The following SMG5 variants were observed in gnomAD, a reference collection of about 807,000 sequenced individuals.
The protein encoded by SMG5 is nonsense-mediated mRNA decay factor SMG5.
Under a neutral mutation model 122.9 loss-of-function variants are expected in SMG5, and 53 were observed. The ratio of observed to expected loss-of-function variants is 0.43; its 90% CI spans 0.35 to 0.54. The LOEUF is 0.54. SMG5 is among the 20% of genes least tolerant of loss of function. The pLI, the probability that SMG5 is intolerant of heterozygous loss-of-function variation, is 0.01. For missense variants in SMG5, 1,153 were observed against 1,285.6 expected (o/e 0.90, Z 1.58); for synonymous variants, 477 against 490.2 (o/e 0.97, Z 0.35).
At chr1:156,274,424 T>C (rs549278459) in intron 5 of SMG5, among the ~76,000 whole-genome samples, 173 bp downstream of exon 5, 3 of 152,278 alleles carry the variant, frequency 2.0e-5, no homozygotes, top group African/African-American at 7.2e-5. Flanking sequence ...CTCTGACTCA[T>C]GGAAGGGCAG....
At chr1:156,284,334 G>A, upstream of SMG5, 1 of 152,506 alleles carries the variant, frequency 6.6e-6, no homozygotes, top group Non-Finnish European at 1.5e-5. Context: ...TGCAGAGCCA[G>A]CAGGTAGCTG....
chr1:156,286,601 G>C (rs1663170800), upstream of SMG5: 1 of 905,998 alleles, frequency 1.1e-6, no homozygotes, highest in African/African-American at 1.7e-5. Context: ...GTGCCCTGGG[G>C]AGATAAGTCC....
chr1:156,282,840 C>T (rs1663032655), upstream of SMG5: 2 of 705,498 alleles, frequency 2.8e-6, no homozygotes, highest in South Asian at 2.0e-5. Flanking sequence ...CCTCCTCCGC[C>T]TGCCAAATCT....
chr1:156,279,144 AAGG>A, intron 1 of SMG5, 110 bp from the exon 2 acceptor site: 1 of 912,274 alleles, frequency 1.1e-6, no homozygotes, highest in Non-Finnish European at 1.8e-6. Flanking sequence ...GTGAGGGAAA[AAGG>A]AGAAGGCTGC....
chr1:156,277,046 T>A, intron 4 of SMG5, 39 bp downstream of exon 4: 1 of 1,594,608 alleles, frequency 6.3e-7, no homozygotes, highest in Non-Finnish European at 8.6e-7. Flanking sequence ...GGTAGAAGCA[T>A]GAGAACCTGC....
rs1001137568 is a variant in SMG5, at chr1:156,253,306, G to C, written c.2502+143C>G. On this transcript the variant is annotated intron_variant, in intron 17 of 21. Transcript: ENST00000361813. ...CAAATGGCTGAGTGAAGAGTGAGTA[G>C]TAAGGAGGGTCATCTGGGAGAGGCG... is the stretch of plus-strand genomic sequence containing the variant. 30 of 947,330 alleles carry C rather than the reference G, an allele frequency of 3.2e-5. No homozygotes were observed. In the East Asian group the frequency reaches 6.1e-4, roughly 19 times the overall value. 58.7% of individuals were successfully genotyped at this position (947,330 alleles called of 1,614,324 possible).
rs1558238366 is a variant in SMG5, at chr1:156,265,765, G to A, written c.1855+16C>T. On this transcript the variant is annotated intron_variant, in intron 12 of 21. Coordinates refer to ENST00000361813, the MANE Select transcript of SMG5 (RefSeq NM_015327.3). ...GAGGTGCGGACCAGAACAGGATGAT[G>A]AAGTGGTCCAAATACCTGGCTCTGA... The A allele has an allele frequency of 6.2e-7, 1 of 1,609,100 alleles. No homozygotes were observed. Among genetic ancestry groups the A allele is most frequent in the Middle Eastern group, 1.7e-4 (1 of 6,026 alleles).
chr1:156,281,886 G>A (rs1313712061), intron 1 of SMG5, among the ~76,000 whole-genome samples: 1 of 152,186 alleles, frequency 6.6e-6, no homozygotes, highest in African/African-American at 2.4e-5. Flanking sequence ...TGGAGCGTGG[G>A]TGGCATTATG....
chr1:156,260,831 A>C (rs547174838), intron 14 of SMG5, among the ~76,000 whole-genome samples: 19 of 152,286 alleles, frequency 1.2e-4, no homozygotes, highest in Admixed American at 1.1e-3. Context: ...GCTCAGGAAG[A>C]ACAAGGATGG....
At chr1:156,278,885 G>A (rs1662805463) in intron 2 of SMG5, 51 bp downstream of exon 2, 1 of 1,468,934 alleles carries the variant, frequency 6.8e-7, no homozygotes, top group Non-Finnish European at 9.5e-7. Flanking sequence ...GTTTCTGGTA[G>A]AGATAGGCAG....
upstream of SMG5, chr1:156,286,511 T>TG: frequency 4.4e-6 from 7 of 1,601,918 alleles, no homozygotes; most frequent in Non-Finnish European, 5.1e-6. Context: ...GGAGAGGGGA[T>TG]GGTGCTAGAG....
At chr1:156,289,852 A>G in the SMG5 span, among the ~76,000 whole-genome samples, 1 of 152,228 alleles carries the variant, frequency 6.6e-6, no homozygotes, top group African/African-American at 2.4e-5. Flanking sequence ...CATATCTTCC[A>G]CGAAATCTGT....
chr1:156,253,276 G>A (rs1661434322), intron 17 of SMG5, among the ~76,000 whole-genome samples, 173 bp downstream of exon 17: 2 of 152,280 alleles, frequency 1.3e-5, no homozygotes, highest in Admixed American at 1.3e-4. Context: ...AAGGCAGAAA[G>A]GAGGCAAATG....
At chr1:156,283,622 G>C (rs913372605), upstream of SMG5, among the ~76,000 whole-genome samples, 2 of 152,188 alleles carry the variant, frequency 1.3e-5, no homozygotes, top group African/African-American at 4.8e-5. Flanking sequence ...AAAAAGCAAG[G>C]GTGGTTTGTT....
intron 7 of SMG5, among the ~76,000 whole-genome samples, chr1:156,269,205 G>C (rs1168159978): frequency 6.6e-6 from 1 of 151,958 alleles, no homozygotes; most frequent in Non-Finnish European, 1.5e-5. Flanking sequence ...CCTGACCTCA[G>C]GTGATTCACC....
chr1:156,258,956 G>A (rs1661693738), intron 16 of SMG5, 49 bp downstream of exon 16: 1 of 1,607,426 alleles, frequency 6.2e-7, no homozygotes, highest in South Asian at 1.1e-5. Context: ...TGGTTTCTCA[G>A]TGAGCCCAAT....
At chr1:156,271,971 A>AT (rs1185202880) in intron 7 of SMG5, among the ~76,000 whole-genome samples, 1 of 152,184 alleles carries the variant, frequency 6.6e-6, no homozygotes, top group African/African-American at 2.4e-5. Context: ...CCTTCCACGT[A>AT]TATTACCACA....
At chr1:156,290,486 T>TG in the SMG5 span, 1 of 149,430 alleles carries the variant, frequency 6.7e-6, no homozygotes, top group Non-Finnish European at 1.5e-5. Flanking sequence ...GCTCAGGAGT[T>TG]GGGGGCTGCC....
chr1:156,272,766 C>T (rs780047135), intron 6 of SMG5, among the ~76,000 whole-genome samples: 4 of 152,150 alleles, frequency 2.6e-5, no homozygotes, highest in African/African-American at 4.8e-5. Context: ...TTAGTAGAGA[C>T]GAGGTTTCAC....
Sources: gnomAD v4.1 joint callset for allele counts (sites outside exome capture counted in the v4.1 genomes callset) on GRCh38, gnomAD v4.1.1 for gene constraint, MANE v1.5 for transcripts, NCBI Gene and HGNC (gene_info 2026-07-23, HGNC 2026-07-21) for gene names.